KDM2A: variants seen among roughly 807,000 people sequenced by gnomAD.
The protein encoded by KDM2A is lysine demethylase 2A, also known as lysine-specific demethylase 2A.
KDM2A carries 3 observed loss-of-function variants against 137.3 expected under a neutral mutation model. The ratio of observed to expected loss-of-function variants is 0.02; its 90% CI spans 0.01 to 0.06. The LOEUF is 0.06. KDM2A is among the 10% of genes least tolerant of loss of function. The pLI, the probability that KDM2A is intolerant of heterozygous loss-of-function variation, is 1.00. For missense variants in KDM2A, 738 were observed against 1,510.6 expected, an observed-to-expected ratio of 0.49 and a Z score of 8.48; for synonymous variants, 512 against 541.5, an observed-to-expected ratio of 0.95 and a Z score of 0.76.
intron 2 of KDM2A, among the ~76,000 whole-genome samples, chr11:67,129,235 T>C (rs1317093766): frequency 2.0e-5 from 3 of 152,192 alleles, no homozygotes; most frequent in East Asian, 1.9e-4. Flanking sequence ...GACTACCACA[T>C]TGATGATGTT....
chr11:67,159,090 C>G (rs1856581809), intron 2 of KDM2A, among the ~76,000 whole-genome samples: 1 of 152,116 alleles, frequency 6.6e-6, no homozygotes, highest in Non-Finnish European at 1.5e-5. Context: ...AACCCATTAC[C>G]AAAGCCAAGG....
chr11:67,219,284 C>CT lies in KDM2A; in HGVS notation c.842-3dup, dbSNP rs754737997. ...GCCACTGCCCTCTGTTCCCCTTCTC[C>CT]TAGGCTGGATTCATGCTGTGTATAC... On this transcript the variant is annotated splice_polypyrimidine_tract_variant and splice_region_variant and intron_variant, in intron 9 of 20. Coordinates refer to ENST00000529006, the MANE Select transcript of KDM2A (RefSeq NM_012308.3). The CT allele has an allele frequency of 6.5e-7, 1 of 1,537,484 alleles. No homozygotes were observed. Among genetic ancestry groups the CT allele is most frequent in the East Asian group, 2.4e-5 (1 of 41,696 alleles).
At chr11:67,173,113 TTTTGTTTG>T (rs987443543) in intron 2 of KDM2A, among the ~76,000 whole-genome samples, 2 of 151,754 alleles carry the variant, frequency 1.3e-5, no homozygotes, top group African/African-American at 2.4e-5. Flanking sequence ...CACCTCAGTT[TTTTGTTTG>T]TTTGTTTGTT....
chr11:67,185,827 C>T (rs369997372), intron 5 of KDM2A, among the ~76,000 whole-genome samples: 2 of 151,834 alleles, frequency 1.3e-5, no homozygotes, highest in Non-Finnish European at 2.9e-5. Flanking sequence ...CTTACTGTCT[C>T]GCTTTTCACC....
chr11:67,201,547 G>T (rs896776128), intron 5 of KDM2A, among the ~76,000 whole-genome samples: 1 of 151,818 alleles, frequency 6.6e-6, no homozygotes, highest in African/African-American at 2.4e-5. Context: ...AAGGTGGGCA[G>T]ATCACAAGTC....
intron 5 of KDM2A, among the ~76,000 whole-genome samples, chr11:67,194,131 A>G (rs1247702781): frequency 2.6e-5 from 4 of 152,192 alleles, no homozygotes; most frequent in Admixed American, 2.6e-4. Context: ...AGCATTCATG[A>G]CTTTAATCCT....
At chr11:67,204,350 C>G (rs749609636) in intron 5 of KDM2A, among the ~76,000 whole-genome samples, 1 of 152,048 alleles carries the variant, frequency 6.6e-6, no homozygotes, top group East Asian at 1.9e-4. Flanking sequence ...AGTCATTCTC[C>G]GTTTTCTCCT....
intron 11 of KDM2A, among the ~76,000 whole-genome samples, chr11:67,228,688 A>G (rs1316159035): frequency 5.2e-5 from 5 of 96,362 alleles, no homozygotes; most frequent in Admixed American, 4.0e-4. Flanking sequence ...CCTGTTGCGA[A>G]AAAAAAAAAA....
intron 2 of KDM2A, among the ~76,000 whole-genome samples, chr11:67,152,229 C>T (rs909769547): frequency 6.6e-6 from 1 of 151,800 alleles, no homozygotes; most frequent in African/African-American, 2.4e-5. Flanking sequence ...GGGAGGATCA[C>T]TTGAGCCCAG....
intron 2 of KDM2A, among the ~76,000 whole-genome samples, chr11:67,132,293 T>G (rs1010099445): frequency 1.3e-5 from 2 of 152,194 alleles, no homozygotes; most frequent in Non-Finnish European, 2.9e-5. Context: ...TTGTTTTTTT[T>G]GTTTTTTGGA....
intron 12 of KDM2A, chr11:67,239,907 C>A: frequency 2.8e-6 from 1 of 355,020 alleles, no homozygotes; most frequent in Non-Finnish European, 4.3e-6. Context: ...TGGCTGAGCT[C>A]TCCTCCCTGG....
chr11:67,250,351 G>T lies in KDM2A; in HGVS notation c.2321G>T (p.Arg774Leu), dbSNP rs767673723. The T allele has an allele frequency of 3.1e-6, 5 of 1,613,830 alleles. No individual in the cohort carries two copies. The Admixed American group carries it at 6.7e-5, about 22-fold the overall frequency. Residue 774 changes from arginine (R) to leucine (L), a missense_variant, in exon 17 of 21, where the codon CGG becomes CTG. This residue lies in a region of KDM2A where 244 missense variants were observed against 324.6 expected (regional missense o/e 0.75). Coordinates refer to ENST00000529006, the MANE Select transcript of KDM2A (RefSeq NM_012308.3). The surrounding 1 kb of genome is among the most constrained non-coding windows in gnomAD (Gnocchi z 7.1). The part of the protein sequence containing the change: ...RLQATERTMV[R>L]EKENNPSGKK... ...CAGGCCACAGAGCGCACCATGGTACGGGAAAAGGAGAACAATCCCAGCGGC... is the reference window on the plus strand; with the variant it reads ...CAGGCCACAGAGCGCACCATGGTACTGGAAAAGGAGAACAATCCCAGCGGC...
intron 5 of KDM2A, among the ~76,000 whole-genome samples, chr11:67,187,728 C>T (rs895342453): frequency 2.6e-5 from 4 of 152,148 alleles, no homozygotes; most frequent in Non-Finnish European, 5.9e-5. Flanking sequence ...TGCCCGCCAC[C>T]ACGCCCGGCT....
Position 67,257,063 on chromosome 11 carries a change from C to T in KDM2A, c.*2008C>T, listed in dbSNP as rs7952436. On this transcript the variant is annotated 3_prime_UTR_variant, in exon 21 of 21. Transcript: ENST00000529006. The stretch of plus-strand genomic sequence containing the variant: ...AGCTTCCTGCCTTTTTCTTTGGTTG[C>T]TCCTGTGGAAAATACTGAAAAGATT... The T allele has an allele frequency of 0.047, 7,092 of 152,430 alleles. 221 individuals are homozygous for T. The highest frequency in any genetic ancestry group is 0.074 in the Non-Finnish European group (5,032 of 67,998). 9.4% of individuals were successfully genotyped at this position (152,430 alleles called of 1,614,324 possible).
chr11:67,232,724 T>A (rs1198326483), intron 12 of KDM2A, among the ~76,000 whole-genome samples: 2 of 151,858 alleles, frequency 1.3e-5, no homozygotes, highest in Non-Finnish European at 2.9e-5. Context: ...ATTAATTTAT[T>A]TGAGACGGAG....
At chr11:67,168,793 A>AT (rs1856811493) in intron 2 of KDM2A, among the ~76,000 whole-genome samples, 1 of 152,078 alleles carries the variant, frequency 6.6e-6, no homozygotes, top group South Asian at 2.1e-4. Flanking sequence ...AGTTCAGTTG[A>AT]TTTTTTGGAT....
chr11:67,238,549 C>T (rs1858935873), intron 12 of KDM2A, among the ~76,000 whole-genome samples: 1 of 152,090 alleles, frequency 6.6e-6, no homozygotes, highest in Non-Finnish European at 1.5e-5. Flanking sequence ...ATAAGCATTT[C>T]CAGGAGAAGC....
intron 6 of KDM2A, among the ~76,000 whole-genome samples, chr11:67,212,748 T>G (rs1858030989): frequency 6.6e-6 from 1 of 151,748 alleles, no homozygotes; most frequent in Non-Finnish European, 1.5e-5. Context: ...TTGCTGCAAT[T>G]AAGAAATTCT....
At chr11:67,196,642 G>A (rs912327596) in intron 5 of KDM2A, 7 of 359,656 alleles carry the variant, frequency 1.9e-5, no homozygotes, top group South Asian at 1.5e-4. Context: ...TAAATACTGT[G>A]TAATTCCACT....
Sources: gnomAD v4.1 joint callset for allele counts (sites outside exome capture counted in the v4.1 genomes callset) on GRCh38, gnomAD v4.1.1 for gene constraint, gnomAD v4.1.1 regional missense constraint, Gnocchi (gnomAD v3.1) non-coding constraint, MANE v1.5 for transcripts, NCBI Gene and HGNC (gene_info 2026-07-23, HGNC 2026-07-21) for gene names.